The following NEK11 variants were observed in gnomAD, a reference collection of about 807,000 sequenced individuals.
NEK11 encodes the protein NIMA related kinase 11.
Under a neutral mutation model 80.7 loss-of-function variants are expected in NEK11, and 72 were observed. The observed-to-expected ratio is 0.89, with a 90% CI of 0.74 to 1.08. NEK11 has a LOEUF of 1.08. Among genes scored for constraint, NEK11 ranks in the 50% least tolerant of loss-of-function variants. The probability of loss-of-function intolerance (pLI) is 0.00; values close to 1 mark genes in which losing one functional copy is unlikely to be tolerated. For missense variants in NEK11, 764 were observed against 763.6 expected, an observed-to-expected ratio of 1.00 and a Z score of -0.01; for synonymous variants, 251 against 260.7, an observed-to-expected ratio of 0.96 and a Z score of 0.36.
chr3:131,261,100 ACT>A lies in NEK11; in HGVS notation c.1622-12373_1622-12372del, dbSNP rs1257001702. 1.2e-4 allele frequency among the ~76,000 whole-genome samples: 19 copies of A among 152,054 alleles called. 1 individual carries two copies. Among genetic ancestry groups the A allele is most frequent in the Admixed American group, 1.2e-3 (19 of 15,242 alleles). ...ATTTTTCAAAGAAATGAGAGAAGAA[ACT>A]CTCTGCTGGTGAAATGTCAGAATTA... On this transcript the variant is annotated intron_variant, in intron 16 of 17. Transcript: ENST00000383366.
chr3:131,227,978 G>C (rs78091824), intron 14 of NEK11, among the ~76,000 whole-genome samples: 202 of 152,118 alleles, frequency 1.3e-3, no homozygotes, highest in African/African-American at 4.7e-3. Flanking sequence ...CATCTCAAAA[G>C]CCATCATTAC....
intron 17 of NEK11, among the ~76,000 whole-genome samples, chr3:131,308,008 A>C (rs954021548): frequency 3.9e-5 from 6 of 152,240 alleles, no homozygotes; most frequent in Non-Finnish European, 8.8e-5. Context: ...CACTTGAAGA[A>C]GGAAAAATAA....
chr3:131,269,565 TC>T, intron 16 of NEK11, among the ~76,000 whole-genome samples: 1 of 152,192 alleles, frequency 6.6e-6, no homozygotes, highest in East Asian at 1.9e-4. Flanking sequence ...GCACCCATTG[TC>T]TAACCAGTCC....
chr3:131,255,342 T>C (rs1480607886), intron 16 of NEK11, among the ~76,000 whole-genome samples: 3 of 152,184 alleles, frequency 2.0e-5, no homozygotes, highest in Non-Finnish European at 4.4e-5. Context: ...ATCTGAGTAG[T>C]AATAACACAT....
intron 3 of NEK11, among the ~76,000 whole-genome samples, chr3:131,076,889 G>T (rs2074441804): frequency 6.6e-6 from 1 of 152,210 alleles, no homozygotes; most frequent in South Asian, 2.1e-4. Context: ...TTTCTGTAGT[G>T]ATTTCACCTT....
intron 16 of NEK11, among the ~76,000 whole-genome samples, chr3:131,261,097 G>A (rs1481908070): frequency 1.3e-5 from 2 of 152,178 alleles, no homozygotes; most frequent in East Asian, 1.9e-4. Flanking sequence ...AATGAGAGAA[G>A]AAACTCTCTG....
intron 15 of NEK11, among the ~76,000 whole-genome samples, chr3:131,235,333 G>C (rs889547196): frequency 2.0e-5 from 3 of 152,154 alleles, no homozygotes; most frequent in African/African-American, 7.2e-5. Flanking sequence ...TATCATCAGA[G>C]CTGAGGTGCC....
At chr3:131,032,658 G>A (rs1034566074) in intron 3 of NEK11, among the ~76,000 whole-genome samples, 23 of 152,214 alleles carry the variant, frequency 1.5e-4, no homozygotes, top group Non-Finnish European at 1.6e-4. Flanking sequence ...AGCCAGGCCT[G>A]TTCTTAATGT....
At chr3:131,333,519 A>C (rs1177320680) in intron 17 of NEK11, among the ~76,000 whole-genome samples, 5 of 152,212 alleles carry the variant, frequency 3.3e-5, no homozygotes, top group Non-Finnish European at 5.9e-5. Flanking sequence ...AATCATGCCA[A>C]AATGTAAAGA....
intron 14 of NEK11, among the ~76,000 whole-genome samples, chr3:131,209,075 C>T (rs540338888): frequency 6.6e-6 from 1 of 152,258 alleles, no homozygotes; most frequent in African/African-American, 2.4e-5. Flanking sequence ...AGTTTTTGCC[C>T]ATTCAGTATG....
At chr3:131,121,481 T>C (rs564927109) in intron 5 of NEK11, among the ~76,000 whole-genome samples, 9 of 152,346 alleles carry the variant, frequency 5.9e-5, no homozygotes, top group African/African-American at 1.7e-4. Context: ...TCTCAAACTC[T>C]GTGCTGGGAG....
At chr3:131,189,920 T>C (rs945998309) in intron 14 of NEK11, among the ~76,000 whole-genome samples, 1 of 152,220 alleles carries the variant, frequency 6.6e-6, no homozygotes, top group African/African-American at 2.4e-5. Flanking sequence ...TTTTCATTAT[T>C]GTTAAAGGCT....
intron 7 of NEK11, among the ~76,000 whole-genome samples, chr3:131,149,759 A>G (rs1379438095): frequency 6.6e-6 from 1 of 151,478 alleles, no homozygotes; most frequent in Non-Finnish European, 1.5e-5. Context: ...TTTTTTTCTG[A>G]TTTTCTTGAT....
intron 5 of NEK11, among the ~76,000 whole-genome samples, chr3:131,111,493 G>A (rs1257602689): frequency 6.6e-6 from 1 of 152,050 alleles, no homozygotes; most frequent in African/African-American, 2.4e-5. Context: ...TTAAAAATAA[G>A]TCTCAACCTC....
chr3:131,098,538 A>G (rs2077833670), intron 4 of NEK11, among the ~76,000 whole-genome samples: 1 of 148,034 alleles, frequency 6.8e-6, no homozygotes, highest in Non-Finnish European at 1.5e-5. Flanking sequence ...CCACTTGTAT[A>G]TCTTCTTTTG....
At chr3:131,152,582 C>G (rs749977039) in intron 8 of NEK11, 45 bp downstream of exon 8, 1 of 1,607,186 alleles carries the variant, frequency 6.2e-7, no homozygotes, top group African/African-American at 1.3e-5. Context: ...TAAAGTTGTA[C>G]TTATATTTTA....
chr3:131,320,884 T>G (rs887279028), intron 17 of NEK11, among the ~76,000 whole-genome samples: 44 of 152,146 alleles, frequency 2.9e-4, no homozygotes, highest in Admixed American at 1.4e-3. Context: ...TCCATATTCA[T>G]GAATTGGGAG....
intron 17 of NEK11, among the ~76,000 whole-genome samples, chr3:131,343,334 C>G (rs531038406): frequency 3.9e-5 from 6 of 152,014 alleles, no homozygotes; most frequent in Non-Finnish European, 8.8e-5. Context: ...AGAGTTTTGT[C>G]TTTGATAGGA....
At chr3:131,198,599 G>C (rs376748739) in intron 14 of NEK11, among the ~76,000 whole-genome samples, 2 of 152,122 alleles carry the variant, frequency 1.3e-5, no homozygotes, top group African/African-American at 4.8e-5. Flanking sequence ...GCCAATACCC[G>C]TAAACAATGT....
Sources: allele counts gnomAD v4.1 joint callset (sites outside exome capture counted in the v4.1 genomes callset), GRCh38; gene constraint gnomAD v4.1.1; transcripts MANE v1.5; gene names NCBI Gene and HGNC (gene_info 2026-07-23, HGNC 2026-07-21).